NHS: variants seen among roughly 807,000 people sequenced by gnomAD.
NHS encodes NHS actin remodeling regulator.
A neutral mutation model predicts 72.5 loss-of-function variants in NHS; 5 were observed. The ratio of observed to expected loss-of-function variants is 0.07; its 90% CI spans 0.04 to 0.14. The LOEUF (loss-of-function observed/expected upper bound fraction) is 0.14, where lower values mean the gene tolerates loss of function less well. Among genes scored for constraint, NHS ranks in the 10% least tolerant of loss-of-function variants. NHS has a pLI of 1.00. For missense variants in NHS, 1,072 were observed against 1,355.7 expected, an observed-to-expected ratio of 0.79 and a Z score of 3.29; for synonymous variants, 464 against 547.7, an observed-to-expected ratio of 0.85 and a Z score of 2.13.
intron 1 of NHS, among the ~76,000 whole-genome samples, chrX:17,615,150 GTGTATATATACTA>G (rs1235912839): frequency 2.9e-5 from 2 of 70,007 alleles, no homozygotes; most frequent in African/African-American, 1.1e-4. Context: ...ATATATATAC[GTGTATATATACTA>G]TATATATACG....
Position 17,727,983 on chromosome X carries a change from G to A in NHS, c.3877G>A (p.Gly1293Arg). Residue 1293 changes from glycine (G) to arginine (R), a missense_variant, in exon 7 of 9, where the codon GGA becomes AGA. By Grantham distance (125) the Gly-to-Arg change is moderately radical. Transcript: ENST00000676302. ...NDLDGKIIQYGPGPDETLEQV... is the reference protein window; with the variant it reads ...NDLDGKIIQYRPGPDETLEQV... Reference sequence around the variant, plus strand: ...TTTGGATGGTAAAATAATACAATATGGACCTGGTCCAGACGAAACTCTAGA... The same window carrying A: ...TTTGGATGGTAAAATAATACAATATAGACCTGGTCCAGACGAAACTCTAGA... 1 of 1,211,583 alleles carries A rather than the reference G, an allele frequency of 8.3e-7. No individual in the cohort carries two copies. The highest frequency in any genetic ancestry group is 1.1e-6 in the Non-Finnish European group (1 of 895,421).
chrX:17,410,682 C>T (rs1353083667), intron 1 of NHS, among the ~76,000 whole-genome samples: 3 of 109,740 alleles, frequency 2.7e-5, no homozygotes, highest in Non-Finnish European at 5.7e-5. Flanking sequence ...TATAATAGAA[C>T]GTTCCTGGAA....
chrX:17,723,159 T>C (rs1000917955), intron 5 of NHS, among the ~76,000 whole-genome samples: 2 of 112,348 alleles, frequency 1.8e-5, no homozygotes, highest in African/African-American at 3.2e-5. Flanking sequence ...TGATATCTCA[T>C]ACAGATTTTT....
At chrX:17,619,554 C>T (rs2065763048) in intron 1 of NHS, among the ~76,000 whole-genome samples, 1 of 112,048 alleles carries the variant, frequency 8.9e-6, no homozygotes, top group Non-Finnish European at 1.9e-5. Context: ...AAATGCATAA[C>T]CAATGAGCCA....
At chrX:17,536,736 A>G (rs982803985) in intron 1 of NHS, among the ~76,000 whole-genome samples, 4 of 112,659 alleles carry the variant, frequency 3.6e-5, no homozygotes, top group Non-Finnish European at 7.5e-5. Context: ...CACTTATGCC[A>G]CACACCTAAC....
At chrX:17,677,545 C>G (rs2066090021) in intron 1 of NHS, among the ~76,000 whole-genome samples, 1 of 111,056 alleles carries the variant, frequency 9.0e-6, no homozygotes, top group Admixed American at 9.6e-5. Context: ...TCTGTTCAAA[C>G]TGGCCAAGGA....
intron 1 of NHS, among the ~76,000 whole-genome samples, chrX:17,632,004 G>T (rs955526776): frequency 3.6e-5 from 4 of 111,804 alleles, no homozygotes; most frequent in African/African-American, 1.3e-4. Flanking sequence ...TTTCTGGGGA[G>T]TCTTTCTAGA....
chrX:17,476,044 T>G (rs1169503048), intron 1 of NHS, among the ~76,000 whole-genome samples: 1 of 110,543 alleles, frequency 9.0e-6, no homozygotes, highest in Non-Finnish European at 1.9e-5. Context: ...AGGATGGGGG[T>G]GGGTGAGACT....
At position 17,732,182 on chromosome X, in the gene NHS, G is replaced by C; in HGVS notation, c.4674G>C (p.Gln1558His). 8.3e-7 allele frequency: 1 copy of C among 1,211,851 alleles called. No homozygotes were observed. The highest frequency in any genetic ancestry group is 1.1e-6 in the Non-Finnish European group (1 of 895,508). Residue 1558 changes from glutamine (Q) to histidine (H), a missense_variant, in exon 9 of 9, where the codon CAG becomes CAC. By Grantham distance (24) the Gln-to-His change is conservative (BLOSUM62 0). Coordinates refer to ENST00000676302, the MANE Select transcript of NHS (RefSeq NM_001291867.2). Reference sequence around the variant, plus strand: ...GGGAGCTCACAGCAGAGTCCCCTCAGAGCACCGATGATGCCCATCAGGGGT... The same window carrying C: ...GGGAGCTCACAGCAGAGTCCCCTCACAGCACCGATGATGCCCATCAGGGGT... ...PPGELTAESPQSTDDAHQGSQ... is the reference protein window; with the variant it reads ...PPGELTAESPHSTDDAHQGSQ...
chrX:17,627,333 TGA>T (rs2065802565), intron 1 of NHS, among the ~76,000 whole-genome samples: 2 of 112,464 alleles, frequency 1.8e-5, no homozygotes, highest in South Asian at 7.4e-4. Flanking sequence ...ATGCCAAGAC[TGA>T]AGTTTTCCTG....
chrX:17,455,583 A>T, intron 1 of NHS, among the ~76,000 whole-genome samples: 1 of 111,990 alleles, frequency 8.9e-6, no homozygotes, highest in Admixed American at 9.5e-5. Flanking sequence ...GTCTGCTTGA[A>T]CCCAAAGCGC....
At chrX:17,472,088 CTT>C (rs2064894687) in intron 1 of NHS, among the ~76,000 whole-genome samples, 2 of 111,445 alleles carry the variant, frequency 1.8e-5, no homozygotes, top group South Asian at 7.5e-4. Context: ...CTCATTCTGA[CTT>C]TGGTTTGCAA....
intron 1 of NHS, among the ~76,000 whole-genome samples, chrX:17,678,679 G>A (rs1183328365): frequency 9.0e-6 from 1 of 111,231 alleles, no homozygotes; most frequent in Non-Finnish European, 1.9e-5. Context: ...CAACACTGGG[G>A]ATTGCATTTC....
chrX:17,431,405 TG>T (rs1337560397), intron 1 of NHS, among the ~76,000 whole-genome samples: 3 of 112,171 alleles, frequency 2.7e-5, no homozygotes, highest in Non-Finnish European at 5.6e-5. Context: ...CATCTGGAAC[TG>T]CCTTTCCTAG....
intron 1 of NHS, among the ~76,000 whole-genome samples, chrX:17,571,527 A>AT (rs2146974683): frequency 9.0e-6 from 1 of 111,477 alleles, no homozygotes; most frequent in Non-Finnish European, 1.9e-5. Flanking sequence ...CCCCTTTATC[A>AT]TTTTTTATTG....
intron 1 of NHS, among the ~76,000 whole-genome samples, chrX:17,516,497 C>T (rs1380990713): frequency 9.1e-6 from 1 of 110,302 alleles, no homozygotes; most frequent in African/African-American, 3.3e-5. Context: ...TTTATACCCT[C>T]ATGTGCACAC....
At chrX:17,629,897 A>G (rs2065817000) in intron 1 of NHS, among the ~76,000 whole-genome samples, 1 of 110,102 alleles carries the variant, frequency 9.1e-6, no homozygotes, top group South Asian at 3.9e-4. Flanking sequence ...GTGAATACAA[A>G]ATTAGCTTCT....
At chrX:17,677,978 TTTG>T (rs748502100) in intron 1 of NHS, among the ~76,000 whole-genome samples, 23 of 109,814 alleles carry the variant, frequency 2.1e-4, no homozygotes, top group Middle Eastern at 4.6e-3. Flanking sequence ...TTTTTGAGGT[TTTG>T]TTGTTGTTGT....
At position 17,667,869 on chromosome X, in the gene NHS, C is replaced by T. The variant is rs182022839; in HGVS notation, c.566-19873C>T. Among the ~76,000 whole-genome samples the T allele has an allele frequency of 8.2e-5, 9 of 110,423 alleles. No individual in the cohort carries two copies. In the East Asian group the frequency reaches 2.3e-3, roughly 28 times the overall value. ...TTCCCCTGGAGGCAGCTTCCCTAAG[C>T]GGGGTCATGGACAGTCTCCCAGCTC... On this transcript the variant is annotated intron_variant, in intron 1 of 8. Coordinates refer to ENST00000676302, the MANE Select transcript of NHS (RefSeq NM_001291867.2).
Sources: allele counts gnomAD v4.1 joint callset (sites outside exome capture counted in the v4.1 genomes callset), GRCh38; gene constraint gnomAD v4.1.1; transcripts MANE v1.5; gene names NCBI Gene and HGNC (gene_info 2026-07-23, HGNC 2026-07-21).